TANC1: variants seen among roughly 807,000 people sequenced by gnomAD.
TANC1 encodes the protein protein TANC1.
Under a neutral mutation model 149.7 loss-of-function variants are expected in TANC1, and 77 were observed. The observed-to-expected ratio is 0.51, with a 90% confidence interval of 0.43 to 0.62. The LOEUF is 0.62. Ranked by LOEUF, TANC1 falls within the 20% of genes least tolerant of loss-of-function variation. The pLI, the probability that TANC1 is intolerant of heterozygous loss-of-function variation, is 0.00. For missense variants in TANC1, 1,985 were observed against 2,321.8 expected (o/e 0.85, Z 2.98); for synonymous variants, 854 against 925.0 (o/e 0.92, Z 1.39).
chr2:159,134,626 G>A (rs2050460346), intron 4 of TANC1, among the ~76,000 whole-genome samples: 1 of 152,198 alleles, frequency 6.6e-6, no homozygotes, highest in Non-Finnish European at 1.5e-5. Flanking sequence ...GGGATTACAG[G>A]CGCCCACTAC....
intron 2 of TANC1, chr2:159,003,958 G>A: frequency 6.2e-7 from 1 of 1,612,672 alleles, no homozygotes; most frequent in South Asian, 1.1e-5. Context: ...ATGACAAAAA[G>A]CTTCAGAGTT....
intron 4 of TANC1, among the ~76,000 whole-genome samples, chr2:159,102,736 T>G (rs2046854909): frequency 2.0e-5 from 1 of 49,478 alleles, no homozygotes; most frequent in Non-Finnish European, 6.5e-5. Flanking sequence ...TTTTTTTTTT[T>G]GAGATGGAGT....
intron 3 of TANC1, among the ~76,000 whole-genome samples, chr2:159,075,401 A>AT (rs1485218308): frequency 1.7e-4 from 21 of 121,542 alleles, no homozygotes; most frequent in Admixed American, 5.5e-4. Context: ...GACCTTGTCT[A>AT]TTAAAAAAAA....
At chr2:159,002,268 C>T (rs1002650634) in intron 2 of TANC1, among the ~76,000 whole-genome samples, 1 of 152,142 alleles carries the variant, frequency 6.6e-6, no homozygotes, top group Admixed American at 6.5e-5. Flanking sequence ...TTTCTTCCTG[C>T]TGGCCTGCCC....
intron 1 of TANC1, among the ~76,000 whole-genome samples, chr2:158,981,491 T>TAATATATATATATATA (rs1479047653): frequency 2.9e-5 from 1 of 34,344 alleles, no homozygotes; most frequent in Non-Finnish European, 6.3e-5. Context: ...TATATAGCTT[T>TAATATATATATATATA]TATATATATA....
intron 2 of TANC1, among the ~76,000 whole-genome samples, chr2:159,044,858 G>A (rs2040920827): frequency 6.6e-6 from 1 of 152,198 alleles, no homozygotes; most frequent in African/African-American, 2.4e-5. Flanking sequence ...CATCTGTTTT[G>A]TGTGACTTGC....
At chr2:159,191,107 A>T (rs190177374) in intron 16 of TANC1, among the ~76,000 whole-genome samples, 70 of 152,268 alleles carry the variant, frequency 4.6e-4, no homozygotes, top group African/African-American at 1.6e-3. Context: ...GTTCACCTGG[A>T]TCTGGCTAGA....
At chr2:159,109,951 T>A (rs2047562240) in intron 4 of TANC1, among the ~76,000 whole-genome samples, 1 of 152,230 alleles carries the variant, frequency 6.6e-6, no homozygotes, top group Admixed American at 6.5e-5. Context: ...AAACATTGTA[T>A]GCTGAGGTTG....
At position 159,231,740 on chromosome 2, in the gene TANC1, G is replaced by T. The variant is rs1289282936; in HGVS notation, c.*728G>T. 1.3e-5 allele frequency: 2 copies of T among 152,160 alleles called. No individual in the cohort carries two copies. Among genetic ancestry groups the T allele is most frequent in the African/African-American group, 4.8e-5 (2 of 41,440 alleles). 9.4% of individuals were successfully genotyped at this position (152,160 alleles called of 1,614,324 possible). ...ATTTGGAGTCATGATTGGTGGTCAA[G>T]TGGATTCAAGCTAAAATACTAAGAC... On this transcript the variant is annotated 3_prime_UTR_variant, in exon 27 of 27. Coordinates refer to ENST00000263635, the MANE Select transcript of TANC1 (RefSeq NM_033394.3).
intron 7 of TANC1, among the ~76,000 whole-genome samples, chr2:159,162,641 G>T (rs531776591): frequency 6.6e-6 from 1 of 152,306 alleles, no homozygotes; most frequent in African/African-American, 2.4e-5. Context: ...GAATTCTGCA[G>T]TCATAGTATA....
At chr2:159,058,514 GA>G (rs2042013931) in intron 2 of TANC1, among the ~76,000 whole-genome samples, 1 of 152,106 alleles carries the variant, frequency 6.6e-6, no homozygotes, top group African/African-American at 2.4e-5. Context: ...TGCCATGGGG[GA>G]TTTGTGGAGT....
At chr2:159,198,895 ACT>A (rs2058052142) in intron 18 of TANC1, 78 bp from the exon 19 acceptor site, 11 of 966,648 alleles carry the variant, frequency 1.1e-5, no homozygotes, top group South Asian at 2.8e-5. Context: ...AAAACAACAC[ACT>A]GTCTCCTTTG....
chr2:159,104,981 CTTTTTTTTTTTTTTTTT>C (rs146778655), intron 4 of TANC1, among the ~76,000 whole-genome samples: 8,853 of 43,166 alleles, frequency 0.21, 126 homozygotes, highest in Admixed American at 0.36. Context: ...TGGATATTTG[CTTTTTTTTTTTTTTTTT>C]TTTTTTTTTT....
intron 2 of TANC1, among the ~76,000 whole-genome samples, chr2:159,048,561 A>C (rs959296487): frequency 7.2e-5 from 11 of 152,226 alleles, no homozygotes; most frequent in African/African-American, 2.4e-4. Flanking sequence ...GCTGGCTTAC[A>C]TGAGCCCTCT....
chr2:159,211,563 G>C (rs1382172088), intron 19 of TANC1, among the ~76,000 whole-genome samples: 1 of 152,190 alleles, frequency 6.6e-6, no homozygotes, highest in African/African-American at 2.4e-5. Flanking sequence ...AGAATAGCTG[G>C]AATTCCTGAG....
intron 3 of TANC1, among the ~76,000 whole-genome samples, chr2:159,087,676 G>A (rs1158935564): frequency 6.6e-6 from 1 of 151,500 alleles, no homozygotes; most frequent in Non-Finnish European, 1.5e-5. Context: ...CCTGGCCAAT[G>A]TTGCTTTTTT....
At chr2:159,141,873 C>G (rs980002539) in intron 5 of TANC1, among the ~76,000 whole-genome samples, 1 of 152,194 alleles carries the variant, frequency 6.6e-6, no homozygotes, top group African/African-American at 2.4e-5. Context: ...ATTTTTCCCT[C>G]TGTGTGTCTC....
In TANC1 at chr2:159,097,845, A is replaced by G. The variant is rs765744374; in HGVS notation, c.259+11A>G. The G allele has an allele frequency of 4.4e-6, 7 of 1,608,426 alleles. No homozygotes were observed. The African/African-American group carries it at 9.4e-5, about 21-fold the overall frequency. On this transcript the variant is annotated intron_variant, in intron 4 of 26. Transcript: ENST00000263635. ...ACAAAAAATCCCCAGGTAAACAGGC[A>G]ATGAAGGAGCTGCCTTGGTTATATA...
chr2:159,158,078 G>A (rs77384527), intron 7 of TANC1, among the ~76,000 whole-genome samples: 519 of 152,204 alleles, frequency 3.4e-3, no homozygotes, highest in Non-Finnish European at 5.2e-3. Context: ...TAGAGAGGCC[G>A]GGCATGGTGG....
Sources: gnomAD v4.1 joint callset for allele counts (sites outside exome capture counted in the v4.1 genomes callset) on GRCh38, gnomAD v4.1.1 for gene constraint, MANE v1.5 for transcripts, NCBI Gene and HGNC (gene_info 2026-07-23, HGNC 2026-07-21) for gene names.